Variants in MAPRE2 observed in about 807,000 individuals in gnomAD.
MAPRE2 encodes the protein microtubule-associated protein RP/EB family member 2.
In MAPRE2, 13 loss-of-function variants were observed where a neutral mutation model predicts 43.2. The observed-to-expected ratio is 0.30, with a 90% CI of 0.20 to 0.48. The LOEUF (loss-of-function observed/expected upper bound fraction) is 0.48. Among genes scored for constraint, MAPRE2 ranks in the 20% least tolerant of loss-of-function variants. The pLI is 0.99. For synonymous variants in MAPRE2, 135 were observed against 148.8 expected, an observed-to-expected ratio of 0.91 and a Z score of 0.68; for missense variants, 161 against 400.2, an observed-to-expected ratio of 0.40 and a Z score of 5.10.
intron 4 of MAPRE2, among the ~76,000 whole-genome samples, chr18:35,102,959 A>G (rs1908747926): frequency 6.6e-6 from 1 of 152,180 alleles, no homozygotes; most frequent in Non-Finnish European, 1.5e-5. Flanking sequence ...TTTTGTAAAT[A>G]AAACAAATTT....
In MAPRE2 at chr18:35,041,519, C is replaced by A. The variant is rs780261612; in HGVS notation, c.-21C>A. 1.9e-6 allele frequency: 3 copies of A among 1,614,122 alleles called. No homozygotes were observed. Among genetic ancestry groups the A allele is most frequent in the South Asian group, 2.2e-5 (2 of 91,078 alleles). The stretch of plus-strand genomic sequence containing the variant: ...ACCAGCCAGCCCACAGCGGTTTGTT[C>A]CCCTTCTCGGGAGTGCGCCAATGCC... On this transcript the variant is annotated 5_prime_UTR_variant, in exon 1 of 7. Coordinates refer to ENST00000300249, the MANE Select transcript of MAPRE2 (RefSeq NM_014268.4).
At chr18:34,986,272 C>T (rs1445523168) in intron 1 of MAPRE2, among the ~76,000 whole-genome samples, 1 of 152,148 alleles carries the variant, frequency 6.6e-6, no homozygotes, top group African/African-American at 2.4e-5. Context: ...CTGAAACCAC[C>T]TTGAACGTTC....
chr18:35,140,519 C>A lies in MAPRE2; in HGVS notation c.*150C>A. The A allele has an allele frequency of 1.3e-6, 1 of 757,594 alleles. No individual in the cohort carries two copies. The highest frequency in any genetic ancestry group is 2.1e-6 in the Non-Finnish European group (1 of 473,876). 46.9% of individuals were successfully genotyped at this position (757,594 alleles called of 1,614,324 possible). ...ACTGTTGCATATGCCAGCCACTGCG[C>A]TTGGTTCCCATTTTCTTTGCCAAGG... On this transcript the variant is annotated 3_prime_UTR_variant, in exon 7 of 7. Coordinates refer to ENST00000300249, the MANE Select transcript of MAPRE2 (RefSeq NM_014268.4).
In MAPRE2 at chr18:35,041,812, A is replaced by C. The variant is rs966504755; in HGVS notation, c.122+151A>C. ...TTGTGATTATTTGGTATCTGTTTCC[A>C]TGTGTCATGTTGGGTTTGCATTGAG... On this transcript the variant is annotated intron_variant, in intron 1 of 6. Transcript: ENST00000300249. 48 of 1,479,752 alleles carry C rather than the reference A, an allele frequency of 3.2e-5. 1 individual carries two copies. The African/African-American group carries it at 6.6e-4, about 20-fold the overall frequency. 91.7% of individuals were successfully genotyped at this position (1,479,752 alleles called of 1,614,324 possible).
chr18:35,118,658 G>A (rs1235191937), intron 4 of MAPRE2, among the ~76,000 whole-genome samples: 1 of 152,158 alleles, frequency 6.6e-6, no homozygotes, highest in Non-Finnish European at 1.5e-5. Context: ...CAGGCAGAGT[G>A]AGCCTTTTGA....
chr18:35,055,942 A>G (rs929041267), intron 1 of MAPRE2, among the ~76,000 whole-genome samples: 1 of 151,564 alleles, frequency 6.6e-6, no homozygotes, highest in African/African-American at 2.4e-5. Flanking sequence ...GTGACACAGC[A>G]AGACTCTTGT....
chr18:34,991,818 G>A lies in MAPRE2; in HGVS notation c.-69-13674G>A, dbSNP rs140634621. 4.3e-3 allele frequency among the ~76,000 whole-genome samples: 657 copies of A among 152,226 alleles called. 25 individuals are homozygous for A. The highest frequency in any genetic ancestry group is 0.038 in the Admixed American group (585 of 15,272). On this transcript the variant is annotated intron_variant, in intron 1 of 7. Transcript: ENST00000413393. Reference sequence around the variant, plus strand: ...GCAATCTGACGCAGGTAAGCCATGCGGGATAGGTAAAACAATTGTTGTGTT... The same window carrying A: ...GCAATCTGACGCAGGTAAGCCATGCAGGATAGGTAAAACAATTGTTGTGTT...
At chr18:35,082,975 T>C (rs1355542986) in intron 2 of MAPRE2, among the ~76,000 whole-genome samples, 1 of 152,236 alleles carries the variant, frequency 6.6e-6, no homozygotes, top group African/African-American at 2.4e-5. Context: ...TTGGTTCTTA[T>C]TAAGACTAAG....
intron 1 of MAPRE2, among the ~76,000 whole-genome samples, chr18:35,049,739 T>C (rs1905840461): frequency 6.6e-6 from 1 of 152,214 alleles, no homozygotes. Flanking sequence ...TTTGTGATTA[T>C]TGTGTTGATA....
At chr18:35,094,030 C>T (rs898026583) in intron 2 of MAPRE2, among the ~76,000 whole-genome samples, 22 of 152,024 alleles carry the variant, frequency 1.4e-4, no homozygotes, top group African/African-American at 5.1e-4. Context: ...AATTGGAAAA[C>T]AAGCACAAGG....
intron 6 of MAPRE2, among the ~76,000 whole-genome samples, chr18:35,135,667 C>T (rs1910355761): frequency 1.3e-5 from 2 of 152,254 alleles, no homozygotes; most frequent in African/African-American, 2.4e-5. Context: ...TCTGGGAATC[C>T]TGCCTTTGCC....
rs573223878 is a variant in MAPRE2, at chr18:34,996,314, C to G, written c.-69-9178C>G. Among the ~76,000 whole-genome samples the G allele has an allele frequency of 2.9e-4, 44 of 152,200 alleles. 1 individual carries two copies. Among genetic ancestry groups the G allele is most frequent in the African/African-American group, 8.0e-4 (33 of 41,506 alleles). On this transcript the variant is annotated intron_variant, in intron 1 of 7. Transcript: ENST00000413393. ...GGGATGGTTTCGGGATGAAACTGTT[C>G]CACCTCAGATCATCAAGCATTAGAT...
intron 4 of MAPRE2, among the ~76,000 whole-genome samples, chr18:35,121,450 C>T (rs1442330146): frequency 1.3e-5 from 2 of 151,608 alleles, no homozygotes; most frequent in African/African-American, 4.9e-5. Flanking sequence ...GGGACTTAGA[C>T]AGAATTTATG....
intron 1 of MAPRE2, among the ~76,000 whole-genome samples, chr18:34,987,330 CT>C (rs2097021547): frequency 6.6e-6 from 1 of 152,134 alleles, no homozygotes; most frequent in Non-Finnish European, 1.5e-5. Flanking sequence ...TCAGCATCAC[CT>C]AGGAGTGTCT....
intron 1 of MAPRE2, among the ~76,000 whole-genome samples, chr18:35,042,824 G>A (rs73424673): frequency 1.7e-4 from 26 of 152,098 alleles, no homozygotes; most frequent in African/African-American, 6.3e-4. Flanking sequence ...GGTATTATGG[G>A]TAGAATATTG....
rs117513113 is a variant in MAPRE2 at position 35,096,782 on chromosome 18, T to G, written c.251-664T>G. Among the ~76,000 whole-genome samples, 77 of 151,514 alleles carry G rather than the reference T, an allele frequency of 5.1e-4. No individual in the cohort carries two copies. In the East Asian group the frequency reaches 0.012, roughly 23 times the overall value. ...GGTAATAAGTATAAGTAATAATAGTTAATAAGTATAAGTAATACTTAATAC... is the reference window on the plus strand; with the variant it reads ...GGTAATAAGTATAAGTAATAATAGTGAATAAGTATAAGTAATACTTAATAC... On this transcript the variant is annotated intron_variant, in intron 2 of 6. Transcript: ENST00000300249.
intron 2 of MAPRE2, among the ~76,000 whole-genome samples, chr18:35,010,570 G>A (rs1238359275): frequency 6.6e-6 from 1 of 152,176 alleles, no homozygotes; most frequent in Non-Finnish European, 1.5e-5. Context: ...TTCTTCATGG[G>A]ATTCCTTTTG....
At chr18:35,049,736 T>A (rs1261286867) in intron 1 of MAPRE2, among the ~76,000 whole-genome samples, 1 of 152,198 alleles carries the variant, frequency 6.6e-6, no homozygotes, top group African/African-American at 2.4e-5. Flanking sequence ...AATTTTGTGA[T>A]TATTGTGTTG....
rs1356896438 is a variant in MAPRE2 at position 35,143,383 on chromosome 18, G to A, written c.*3014G>A. 6 of 152,052 alleles carry A rather than the reference G, an allele frequency of 3.9e-5. No individual in the cohort carries two copies. The highest frequency in any genetic ancestry group is 1.4e-4 in the African/African-American group (6 of 41,418). The allele number at this position is 152,052 out of a possible 1,614,324, so 9.4% of individuals were successfully genotyped here. Reference sequence around the variant, plus strand: ...ATTACCCACCTATTGTCGCATGGTAGAATAGTTTTTTGTCTCTGAATATGT... The same window carrying A: ...ATTACCCACCTATTGTCGCATGGTAAAATAGTTTTTTGTCTCTGAATATGT... On this transcript the variant is annotated 3_prime_UTR_variant, in exon 7 of 7. Coordinates refer to ENST00000300249, the MANE Select transcript of MAPRE2 (RefSeq NM_014268.4).
Sources: allele counts gnomAD v4.1 joint callset (sites outside exome capture counted in the v4.1 genomes callset), GRCh38; gene constraint gnomAD v4.1.1; transcripts MANE v1.5; gene names NCBI Gene and HGNC (gene_info 2026-07-23, HGNC 2026-07-21).